Variants in CALR3 observed in about 807,000 individuals in gnomAD.
CALR3 encodes the protein calreticulin 3.
CALR3 carries 39 observed loss-of-function variants against 48.7 expected under a neutral mutation model. That is an observed-to-expected ratio of 0.80 (90% confidence interval 0.62 to 1.05). The LOEUF (loss-of-function observed/expected upper bound fraction) is 1.05, where lower values mean the gene tolerates loss of function less well. CALR3 is among the 50% of genes least tolerant of loss of function. The pLI, the probability that CALR3 is intolerant of heterozygous loss-of-function variation, is 0.00. For missense variants in CALR3, 449 were observed against 474.7 expected (o/e 0.95, Z 0.50); for synonymous variants, 185 against 172.7 (o/e 1.07, Z -0.56).
chr19:16,486,820 T>G (rs1434599911), intron 3 of CALR3, among the ~76,000 whole-genome samples: 1 of 152,040 alleles, frequency 6.6e-6, no homozygotes, highest in Non-Finnish European at 1.5e-5. Context: ...CCCCTCACAC[T>G]AATGGCTGGC....
intron 3 of CALR3, among the ~76,000 whole-genome samples, chr19:16,485,984 G>C (rs8113060): frequency 0.67 from 101,682 of 151,924 alleles, 34,299 homozygotes; most frequent in South Asian, 0.75. Context: ...TATTATTGTT[G>C]TTAAAGGACA....
chr19:16,493,542 ATTTTTTTTTT>A (rs3032114), intron 2 of CALR3, among the ~76,000 whole-genome samples: 1 of 72,928 alleles, frequency 1.4e-5, no homozygotes, highest in Non-Finnish European at 2.7e-5. Flanking sequence ...TGAAGCTAGA[ATTTTTTTTTT>A]TTTTTTTTTT....
intron 3 of CALR3, among the ~76,000 whole-genome samples, chr19:16,486,776 G>C (rs1025504305): frequency 6.6e-6 from 1 of 152,054 alleles, no homozygotes; most frequent in Non-Finnish European, 1.5e-5. Flanking sequence ...TGCTTCCCTT[G>C]TCCTCCTCCT....
rs771113248 is a variant in CALR3 at position 16,480,685 on chromosome 19, C to A, written c.940G>T (p.Asp314Tyr). 6.2e-7 allele frequency: 1 copy of A among 1,613,590 alleles called. No individual in the cohort carries two copies. The highest frequency in any genetic ancestry group is 2.2e-5 in the East Asian group (1 of 44,884). Residue 314 changes from aspartate (D) to tyrosine (Y), a missense_variant, in exon 8 of 9, where the codon GAT (aspartate) becomes TAT (tyrosine). Coordinates refer to ENST00000269881, the MANE Select transcript of CALR3 (RefSeq NM_145046.5). ...LWQVRSGTIF[D>Y]NFLITDDEEY... is the part of the protein sequence containing the mutation. ...TCATCATCTGTGATCAGAAAGTTAT[C>A]AAAAATGGTTCCAGATCTCACCTGC...
chr19:16,482,425 T>G (rs765087811), intron 7 of CALR3, 25 bp downstream of exon 7: 1 of 1,613,964 alleles, frequency 6.2e-7, no homozygotes, highest in Non-Finnish European at 8.5e-7. Flanking sequence ...GCAAAAAATC[T>G]AAAGTAAAGT....
intron 5 of CALR3, 141 bp from the exon 6 acceptor site, chr19:16,482,926 C>T (rs916214970): frequency 3.9e-6 from 3 of 778,964 alleles, no homozygotes; most frequent in Non-Finnish European, 6.5e-6. Flanking sequence ...CTCACTGCAG[C>T]CTCAACCTCT....
intron 7 of CALR3, among the ~76,000 whole-genome samples, chr19:16,482,055 C>T (rs1228520501): frequency 4.0e-5 from 6 of 151,642 alleles, no homozygotes; most frequent in Admixed American, 6.6e-5. Flanking sequence ...TACAGGCGCC[C>T]GCCACCACGC....
intron 8 of CALR3, among the ~76,000 whole-genome samples, chr19:16,479,756 TCAAAACAAAACAAAA>T (rs527383415): frequency 6.6e-6 from 1 of 150,988 alleles, no homozygotes; most frequent in Non-Finnish European, 1.5e-5. Flanking sequence ...AAAACCCGTC[TCAAAACAAAACAAAA>T]CAAAACAAAA....
chr19:16,482,098 C>A (rs1435207690), intron 7 of CALR3, among the ~76,000 whole-genome samples: 1 of 151,188 alleles, frequency 6.6e-6, no homozygotes, highest in Non-Finnish European at 1.5e-5. Flanking sequence ...TTAGTAGAGA[C>A]GGGGTTTCAC....
At chr19:16,481,151 C>G (rs999093482) in intron 7 of CALR3, among the ~76,000 whole-genome samples, 1 of 151,132 alleles carries the variant, frequency 6.6e-6, no homozygotes, top group African/African-American at 2.4e-5. Flanking sequence ...GAGACTCAGT[C>G]TCAAAGAAAA....
At chr19:16,495,224 T>C (rs1352889435) in intron 2 of CALR3, among the ~76,000 whole-genome samples, 1 of 57,800 alleles carries the variant, frequency 1.7e-5, no homozygotes, top group African/African-American at 6.4e-5. Flanking sequence ...AGACTCCTAC[T>C]ACCAAAAAAA....
Position 16,485,247 on chromosome 19 carries a change from A to G in CALR3, c.408T>C (p.Ile136=). The change falls in exon 4 of 9, where the codon ATT becomes ATC. Residue 136 remains isoleucine (I), a synonymous_variant. Transcript: ENST00000269881. The part of the protein sequence containing the change: ...SQYYIMFGPD[I]CGFDIKKVHV... ...GAACTTTCTTGATATCAAATCCACA[A>G]ATATCGGGTCCTACAAAAAAGATTA... is the stretch of plus-strand genomic sequence containing the variant. The G allele has an allele frequency of 6.2e-7, 1 of 1,603,214 alleles. No homozygotes were observed. Among genetic ancestry groups the G allele is most frequent in the Non-Finnish European group, 8.5e-7 (1 of 1,170,442 alleles).
chr19:16,490,609 G>C (rs754249395), intron 2 of CALR3, 39 bp from the exon 3 acceptor site: 1 of 1,548,494 alleles, frequency 6.5e-7, no homozygotes, highest in African/African-American at 1.4e-5. Context: ...CAGGAATGAC[G>C]CTGCGCTAAG....
In CALR3 at chr19:16,479,371, G is replaced by T. The variant is rs905493159; in HGVS notation, c.1012-97C>A. The T allele has an allele frequency of 2.6e-5, 35 of 1,352,214 alleles. No homozygotes were observed. In the African/African-American group the frequency reaches 4.3e-4, roughly 17 times the overall value. The allele number at this position is 1,352,214 out of a possible 1,614,324, so 83.8% of individuals were successfully genotyped here. A position where few individuals can be genotyped will look rare whatever the true frequency, so the allele number is the denominator to read the frequency against. On this transcript the variant is annotated intron_variant, in intron 8 of 8. Transcript: ENST00000269881. ...GAGGCCGAGGCAGATGGATCACGAA[G>T]TCAGGAGATCGAGACCATCCCGGCT...
intron 2 of CALR3, among the ~76,000 whole-genome samples, chr19:16,494,218 A>G (rs1467528433): frequency 6.6e-6 from 1 of 151,856 alleles, no homozygotes. Flanking sequence ...GCGCCACCAC[A>G]CTTGGCTAAC....
intron 3 of CALR3, among the ~76,000 whole-genome samples, chr19:16,488,396 T>A (rs2122139475): frequency 6.6e-6 from 1 of 152,188 alleles, no homozygotes; most frequent in East Asian, 1.9e-4. Context: ...GGATGAATAT[T>A]TTGGAAGTAC....
At chr19:16,480,005 C>T (rs1419385358) in intron 8 of CALR3, among the ~76,000 whole-genome samples, 1 of 149,580 alleles carries the variant, frequency 6.7e-6, no homozygotes, top group African/African-American at 2.5e-5. Flanking sequence ...GAGAGCGAGA[C>T]CATCCTGGCC....
Position 16,486,360 on chromosome 19 carries a change from G to A in CALR3, c.398-1103C>T, listed in dbSNP as rs139869480. On this transcript the variant is annotated intron_variant, in intron 3 of 8. Transcript: ENST00000269881. ...GTGTGGGCTGGGCATGGTGGCTCAC[G>A]GCTGTAATCCCAGAACTTTGGGGGG... 5.1e-3 allele frequency among the ~76,000 whole-genome samples: 768 copies of A among 150,984 alleles called. 45 individuals carry two copies. The East Asian group carries it at 0.14, about 27-fold the overall frequency.
At chr19:16,479,829 G>T (rs1438012617) in intron 8 of CALR3, among the ~76,000 whole-genome samples, 1 of 152,036 alleles carries the variant, frequency 6.6e-6, no homozygotes, top group African/African-American at 2.4e-5. Context: ...GTGGCCAAAT[G>T]CATGTCAGTA....
Sources: allele counts gnomAD v4.1 joint callset (sites outside exome capture counted in the v4.1 genomes callset), GRCh38; gene constraint gnomAD v4.1.1; transcripts MANE v1.5; gene names NCBI Gene and HGNC (gene_info 2026-07-23, HGNC 2026-07-21).